Variants in USP9X observed in about 807,000 individuals in gnomAD.
The protein encoded by USP9X is ubiquitin carboxyl-terminal hydrolase 9X.
In USP9X, 7 loss-of-function variants were observed where a neutral mutation model predicts 190.3. The ratio of observed to expected loss-of-function variants is 0.04; its 90% CI spans 0.02 to 0.07. The LOEUF (loss-of-function observed/expected upper bound fraction) is 0.07, where lower values mean the gene tolerates loss of function less well. USP9X is among the 10% of genes least tolerant of loss of function. The pLI is 1.00. For synonymous variants in USP9X, 645 were observed against 659.5 expected (o/e 0.98, Z 0.34); for missense variants, 1,010 against 1,916.9 (o/e 0.53, Z 8.83).
At chrX:41,099,446 G>A (rs1166055709) in intron 1 of USP9X, among the ~76,000 whole-genome samples, 3 of 110,593 alleles carry the variant, frequency 2.7e-5, no homozygotes, top group African/African-American at 6.6e-5. Context: ...CTAGCAGTAG[G>A]TCGTGTTGCT....
At chrX:41,139,108 T>C (rs780480889) in intron 6 of USP9X, among the ~76,000 whole-genome samples, 18 of 112,718 alleles carry the variant, frequency 1.6e-4, no homozygotes, top group African/African-American at 5.1e-4. Flanking sequence ...TTTATAAATA[T>C]TGTATGTAAC....
At chrX:41,128,392 CTACT>C (rs1484916845) in intron 2 of USP9X, among the ~76,000 whole-genome samples, 1 of 103,695 alleles carries the variant, frequency 9.6e-6, no homozygotes, top group Non-Finnish European at 2.0e-5. Flanking sequence ...TGATCTTGGG[CTACT>C]TACTTTCTGA....
intron 44 of USP9X, among the ~76,000 whole-genome samples, 182 bp from the exon 45 acceptor site, chrX:41,232,205 C>T (rs985085750): frequency 4.4e-5 from 4 of 91,599 alleles, no homozygotes; most frequent in African/African-American, 8.1e-5. Context: ...ATTTACACTA[C>T]GTTTTTCAAG....
intron 12 of USP9X, among the ~76,000 whole-genome samples, chrX:41,150,706 G>C (rs899285896): frequency 8.9e-6 from 1 of 111,949 alleles, no homozygotes; most frequent in African/African-American, 3.2e-5. Flanking sequence ...TTTTATAACA[G>C]TGCTGGGCTT....
At chrX:41,108,793 T>G (rs2062087578) in intron 1 of USP9X, among the ~76,000 whole-genome samples, 1 of 111,271 alleles carries the variant, frequency 9.0e-6, no homozygotes, top group South Asian at 3.8e-4. Context: ...TTGCCTGCCA[T>G]GGAATCTTGA....
chrX:41,163,444 A>G (rs73480433), intron 15 of USP9X, among the ~76,000 whole-genome samples: 114 of 111,735 alleles, frequency 1.0e-3, no homozygotes, highest in African/African-American at 3.6e-3. Flanking sequence ...ACAGATGTGC[A>G]AAGTGCCTTT....
intron 21 of USP9X, among the ~76,000 whole-genome samples, chrX:41,181,757 G>A (rs1326542974): frequency 9.1e-6 from 1 of 110,094 alleles, no homozygotes; most frequent in African/African-American, 3.3e-5. Flanking sequence ...CCCACACCTG[G>A]CTTATTTTGA....
rs374804278 is a variant in USP9X at position 41,232,479 on chromosome X, T to C, written c.7620T>C (p.Tyr2540=). The C allele has an allele frequency of 5.0e-6, 6 of 1,209,551 alleles. No homozygotes were observed. The highest frequency in any genetic ancestry group is 4.4e-5 in the Admixed American group (2 of 45,620). The change falls in exon 45 of 45, where the codon TAT becomes TAC. Residue 2540 remains tyrosine (Y), a synonymous_variant. Coordinates refer to ENST00000378308, the MANE Select transcript of USP9X (RefSeq NM_001039591.3). ...CTGGCCAACGAGCACAAGAAAATTA[T>C]GAAGGCAGTGAAGAAGTATCCCCAC... ...QRTGQRAQEN[Y]EGSEEVSPPQ...
At chrX:41,170,666 G>C in intron 20 of USP9X, 47 bp downstream of exon 20, 1 of 1,133,643 alleles carries the variant, frequency 8.8e-7, no homozygotes, top group Admixed American at 2.6e-5. Flanking sequence ...CATCATGCTA[G>C]GGTTTTTGAG....
At chrX:41,165,437 G>T (rs186751357) in intron 15 of USP9X, among the ~76,000 whole-genome samples, 1 of 111,916 alleles carries the variant, frequency 8.9e-6, no homozygotes, top group African/African-American at 3.2e-5. Flanking sequence ...TGTTGGCCAG[G>T]CTGGTCACAA....
Position 41,123,582 on chromosome X carries a change from C to A in USP9X, c.-47C>A. 9.1e-7 allele frequency: 1 copy of A among 1,095,087 alleles called. No homozygotes were observed. The highest frequency in any genetic ancestry group is 1.3e-6 in the Non-Finnish European group (1 of 793,817). 90.2% of individuals were successfully genotyped at this position (1,095,087 alleles called of 1,213,427 possible). A position where few individuals can be genotyped will look rare whatever the true frequency, so the allele number is the denominator to read the frequency against. On this transcript the variant is annotated 5_prime_UTR_variant, in exon 2 of 45. Coordinates refer to ENST00000378308, the MANE Select transcript of USP9X (RefSeq NM_001039591.3). ...TGGACTATAATTTCTTTTCTCAAGACAACTACATAAGCAGACAAAATTGCA... is the reference window on the plus strand; with the variant it reads ...TGGACTATAATTTCTTTTCTCAAGAAAACTACATAAGCAGACAAAATTGCA...
rs1278998152 is a variant in USP9X, at chrX:41,166,004, G to C, written c.2118G>C (p.Gly706=). 30 of 1,209,506 alleles carry C rather than the reference G, an allele frequency of 2.5e-5. No individual in the cohort carries two copies. The highest frequency in any genetic ancestry group is 3.0e-5 in the Non-Finnish European group (27 of 895,067). ...TTAAGTGGTATTCCAAGTTGATGGG[G>C]GATGAACCAGACTTAGATCCTGATA... The part of the protein sequence containing the change: ...ACFKWYSKLM[G]DEPDLDPDIN... Residue 706 remains glycine, a synonymous_variant, in exon 16 of 45, where the codon GGG becomes GGC. Transcript: ENST00000378308.
intron 2 of USP9X, among the ~76,000 whole-genome samples, chrX:41,124,892 TAATG>T (rs899556148): frequency 1.8e-5 from 2 of 111,978 alleles, no homozygotes; most frequent in African/African-American, 6.5e-5. Flanking sequence ...TCAATTGAAT[TAATG>T]CTAAACATAG....
chrX:41,194,788 C>T (rs1054683521), intron 26 of USP9X, among the ~76,000 whole-genome samples: 4 of 111,174 alleles, frequency 3.6e-5, no homozygotes, highest in Non-Finnish European at 7.5e-5. Flanking sequence ...ATAGACTACA[C>T]ATTTGATAAC....
At position 41,086,116 on chromosome X, in the gene USP9X, G is replaced by C. The variant is rs1359104386; in HGVS notation, c.-159+7G>C. 1 of 295,220 alleles carries C rather than the reference G, an allele frequency of 3.4e-6. No homozygotes were observed. The highest frequency in any genetic ancestry group is 2.7e-5 in the African/African-American group (1 of 36,430). The allele number at this position is 295,220 out of a possible 1,213,427, so 24.3% of individuals were successfully genotyped here. On this transcript the variant is annotated splice_region_variant and intron_variant, in intron 1 of 44. Transcript: ENST00000378308. ...AAGACGTCTGTGTCGTGCGGTGAGTGGCCAGCTGCACTGGGGCGACGCTCT... is the reference window on the plus strand; with the variant it reads ...AAGACGTCTGTGTCGTGCGGTGAGTCGCCAGCTGCACTGGGGCGACGCTCT...
chrX:41,214,728 T>TGTTTAATTTTGATTAC lies in USP9X; in HGVS notation c.5331+20_5331+35dup. On this transcript the variant is annotated intron_variant, in intron 34 of 44. Transcript: ENST00000378308. ...TAAAAAGGTACGGGCTGTCCAGTTT[T>TGTTTAATTTTGATTAC]GTTTAATTTTGATTACATTTAATGG... 3 of 1,181,369 alleles carry TGTTTAATTTTGATTAC rather than the reference T, an allele frequency of 2.5e-6. No individual in the cohort carries two copies. Among genetic ancestry groups the TGTTTAATTTTGATTAC allele is most frequent in the Non-Finnish European group, 3.4e-6 (3 of 884,912 alleles).
chrX:41,105,438 A>G (rs1054777034), intron 1 of USP9X, among the ~76,000 whole-genome samples: 1 of 112,244 alleles, frequency 8.9e-6, no homozygotes, highest in Non-Finnish European at 1.9e-5. Context: ...TTCAGTTAAC[A>G]TAGTGCCCTC....
intron 11 of USP9X, among the ~76,000 whole-genome samples, chrX:41,146,443 A>G (rs1418554713): frequency 8.9e-6 from 1 of 111,930 alleles, no homozygotes; most frequent in Non-Finnish European, 1.9e-5. Flanking sequence ...TCTGGGTTAG[A>G]CTTTGCTTTA....
chrX:41,139,251 T>G (rs1266328793), intron 6 of USP9X, among the ~76,000 whole-genome samples: 2 of 112,588 alleles, frequency 1.8e-5, no homozygotes, highest in Admixed American at 9.5e-5. Context: ...CGAGTTTTAA[T>G]GGTTTTGAAT....
Sources: allele counts gnomAD v4.1 joint callset (sites outside exome capture counted in the v4.1 genomes callset), GRCh38; gene constraint gnomAD v4.1.1; transcripts MANE v1.5; gene names NCBI Gene and HGNC (gene_info 2026-07-23, HGNC 2026-07-21).